GNE: variants seen among roughly 807,000 people sequenced by gnomAD.
GNE encodes the protein glucosamine (UDP-N-acetyl)-2-epimerase/N-acetylmannosamine kinase.
Under a neutral mutation model 61.8 loss-of-function variants are expected in GNE, and 41 were observed. The observed-to-expected ratio is 0.66, with a 90% CI of 0.52 to 0.86. The LOEUF (loss-of-function observed/expected upper bound fraction) is 0.86, where lower values mean the gene tolerates loss of function less well. GNE is among the 40% of genes least tolerant of loss of function. The pLI is 0.00. For missense variants in GNE, 608 were observed against 909.1 expected (o/e 0.67, Z 4.26); for synonymous variants, 264 against 326.4 (o/e 0.81, Z 2.06).
chr9:36,250,951 G>A (rs1008410025), intron 1 of GNE, among the ~76,000 whole-genome samples: 4 of 152,128 alleles, frequency 2.6e-5, no homozygotes, highest in African/African-American at 9.7e-5. Context: ...AAAGTGCTGG[G>A]ATTACAGGCA....
intron 1 of GNE, among the ~76,000 whole-genome samples, chr9:36,274,016 A>G (rs1227802561): frequency 5.9e-5 from 9 of 151,844 alleles, no homozygotes; most frequent in Admixed American, 5.3e-4. Context: ...ACATCACTAA[A>G]TTTAATGGGG....
At chr9:36,242,482 G>C (rs959832185) in intron 3 of GNE, among the ~76,000 whole-genome samples, 1 of 151,844 alleles carries the variant, frequency 6.6e-6, no homozygotes, top group African/African-American at 2.4e-5. Flanking sequence ...GCAGTGGCGC[G>C]ATCTCGGCTC....
intron 1 of GNE, among the ~76,000 whole-genome samples, chr9:36,256,954 C>G (rs7038670): frequency 0.041 from 6,210 of 152,148 alleles, 416 homozygotes; most frequent in African/African-American, 0.14. Context: ...CGCCTGTAAC[C>G]CCAGCACTTT....
At chr9:36,276,027 G>A (rs12379203) in intron 1 of GNE, among the ~76,000 whole-genome samples, 26,201 of 152,084 alleles carry the variant, frequency 0.17, 2,459 homozygotes, top group Non-Finnish European at 0.21. Flanking sequence ...TTAAAAGTTT[G>A]CCGGGTATGG....
chr9:36,261,834 AATGGCGTGAACCCGGGAG>A (rs1286052341), upstream of GNE, among the ~76,000 whole-genome samples: 2 of 151,190 alleles, frequency 1.3e-5, no homozygotes, highest in Non-Finnish European at 2.9e-5. Context: ...GAGGCAGGAG[AATGGCGTGAACCCGGGAG>A]GCGGAGCTTG....
At chr9:36,225,792 T>A (rs1292699354) in intron 7 of GNE, among the ~76,000 whole-genome samples, 5 of 152,132 alleles carry the variant, frequency 3.3e-5, no homozygotes, top group African/African-American at 1.2e-4. Flanking sequence ...AAAATTTTTT[T>A]AAATTAAGAG....
upstream of GNE, among the ~76,000 whole-genome samples, chr9:36,261,454 G>A (rs1356174008): frequency 6.6e-6 from 1 of 151,672 alleles, no homozygotes; most frequent in Non-Finnish European, 1.5e-5. Flanking sequence ...TTGGGAGGCC[G>A]AGGCAGGAGA....
At chr9:36,252,494 A>T (rs537021406) in intron 1 of GNE, among the ~76,000 whole-genome samples, 1 of 152,278 alleles carries the variant, frequency 6.6e-6, no homozygotes, top group Non-Finnish European at 1.5e-5. Flanking sequence ...GGCAGTACTA[A>T]AATGCTTATT....
chr9:36,275,869 CTGAT>C (rs1452513113), intron 1 of GNE, among the ~76,000 whole-genome samples: 1 of 152,076 alleles, frequency 6.6e-6, no homozygotes, highest in African/African-American at 2.4e-5. Context: ...ATAATATCAT[CTGAT>C]TGAAAAGTTT....
At position 36,217,192 on chromosome 9, in the gene GNE, G is replaced by A. The variant is rs1400105909; in HGVS notation, c.*173C>T. On this transcript the variant is annotated 3_prime_UTR_variant, in exon 12 of 12. Coordinates refer to ENST00000642385, the MANE Select transcript of GNE (RefSeq NM_005476.7). ...AGAAAGAATAGCATCTACAAAAATA[G>A]GAGTGGGGAAAGGTGACTCTGGAAG... 4.6e-6 allele frequency: 3 copies of A among 651,036 alleles called. No individual in the cohort carries two copies. The highest frequency in any genetic ancestry group is 2.3e-5 in the Admixed American group (1 of 42,994). 40.3% of individuals were successfully genotyped at this position (651,036 alleles called of 1,614,324 possible). A position where few individuals can be genotyped will look rare whatever the true frequency, so the allele number is the denominator to read the frequency against.
At chr9:36,269,824 G>A (rs1310776490) in intron 1 of GNE, among the ~76,000 whole-genome samples, 1 of 152,046 alleles carries the variant, frequency 6.6e-6, no homozygotes, top group Admixed American at 6.6e-5. Flanking sequence ...ACCACACCCA[G>A]CTAATTTTTG....
chr9:36,258,585 C>G, upstream of GNE: 3 of 903,600 alleles, frequency 3.3e-6, no homozygotes, highest in Non-Finnish European at 4.0e-6. Flanking sequence ...CCCCCACCTT[C>G]CCGGCGGTAT....
chr9:36,275,114 A>G (rs915558024), intron 1 of GNE, among the ~76,000 whole-genome samples: 1 of 152,228 alleles, frequency 6.6e-6, no homozygotes, highest in African/African-American at 2.4e-5. Flanking sequence ...CTTATAGGAC[A>G]TCTTTATTTG....
At chr9:36,265,996 C>T (rs1329448795) in intron 1 of GNE, among the ~76,000 whole-genome samples, 1 of 152,084 alleles carries the variant, frequency 6.6e-6, no homozygotes, top group Non-Finnish European at 1.5e-5. Flanking sequence ...GTGGCGCAAT[C>T]TTGGCTTCTT....
chr9:36,243,184 A>G (rs1829719263), intron 3 of GNE, among the ~76,000 whole-genome samples: 2 of 152,152 alleles, frequency 1.3e-5, no homozygotes, highest in Non-Finnish European at 2.9e-5. Flanking sequence ...AGCTGGGACT[A>G]CAGGCACACA....
At position 36,219,951 on chromosome 9, in the gene GNE, C is replaced by G. The variant is rs1419793175; in HGVS notation, c.1703G>C (p.Gly568Ala). Residue 568 changes from glycine (G) to alanine (A), a missense_variant, in exon 10 of 12, where the codon GGC becomes GCC. Coordinates refer to ENST00000642385, the MANE Select transcript of GNE (RefSeq NM_005476.7). The part of the protein sequence containing the change: ...HGSSFCAAEL[G>A]HLVVSLDGPD... ...CCCATCCAGAGACACAACAAGGTGGCCCAGTTCTGCAGCACAGAAGGAGCT... is the reference window on the plus strand; with the variant it reads ...CCCATCCAGAGACACAACAAGGTGGGCCAGTTCTGCAGCACAGAAGGAGCT... 6.2e-7 allele frequency: 1 copy of G among 1,614,146 alleles called. No homozygotes were observed.
chr9:36,228,032 CA>C (rs1385568208), intron 6 of GNE, among the ~76,000 whole-genome samples: 326 of 46,922 alleles, frequency 6.9e-3, no homozygotes, highest in Middle Eastern at 0.021. Flanking sequence ...GACTCCGTCT[CA>C]AAAAAAAAAA....
At chr9:36,269,711 G>T (rs576758421) in intron 1 of GNE, among the ~76,000 whole-genome samples, 1 of 145,528 alleles carries the variant, frequency 6.9e-6, no homozygotes, top group Non-Finnish European at 1.5e-5. Context: ...GCCCAGGCTG[G>T]AGTGCAGTGG....
In GNE at chr9:36,246,264, A is replaced by T; in HGVS notation, c.383T>A (p.Ile128Asn). 6.2e-7 allele frequency: 1 copy of T among 1,614,176 alleles called. No individual in the cohort carries two copies. Among genetic ancestry groups the T allele is most frequent in the Non-Finnish European group, 8.5e-7 (1 of 1,180,018 alleles). Reference protein sequence around the residue: ...ALATSAALMNIRILHIEGGEV... With the variant: ...ALATSAALMNNRILHIEGGEV... The stretch of plus-strand genomic sequence containing the variant: ...CCCACCTTCAATGTGAAGGATTCGG[A>T]TGTTCATCAAGGCAGCAGATGTGGC... Residue 128 changes from isoleucine (I) to asparagine (N), a missense_variant, in exon 3 of 12, where the codon ATC becomes AAC. Transcript: ENST00000642385.
Sources: gnomAD v4.1 joint callset for allele counts (sites outside exome capture counted in the v4.1 genomes callset) on GRCh38, gnomAD v4.1.1 for gene constraint, MANE v1.5 for transcripts, NCBI Gene and HGNC (gene_info 2026-07-23, HGNC 2026-07-21) for gene names.